The following ULK4 variants were observed in gnomAD, a reference collection of about 807,000 sequenced individuals.
ULK4 encodes the protein unc-51 like kinase 4.
In ULK4, 133 loss-of-function variants were observed where a neutral mutation model predicts 160.6. That is an observed-to-expected ratio of 0.83 (90% CI 0.72 to 0.96). The LOEUF (loss-of-function observed/expected upper bound fraction) is 0.96, where lower values mean the gene tolerates loss of function less well. Ranked by LOEUF, ULK4 falls within the 40% of genes least tolerant of loss-of-function variation. The pLI, the probability that ULK4 is intolerant of heterozygous loss-of-function variation, is 0.00. For synonymous variants in ULK4, 534 were observed against 539.8 expected, an observed-to-expected ratio of 0.99 and a Z score of 0.15; for missense variants, 1,580 against 1,499.5, an observed-to-expected ratio of 1.05 and a Z score of -0.89.
At chr3:41,699,519 G>A (rs2036602197) in intron 27 of ULK4, among the ~76,000 whole-genome samples, 2 of 151,686 alleles carry the variant, frequency 1.3e-5, no homozygotes, top group Non-Finnish European at 2.9e-5. Flanking sequence ...GAACAAATTC[G>A]CTGTACAAAA....
intron 32 of ULK4, among the ~76,000 whole-genome samples, chr3:41,495,366 G>T (rs1245591830): frequency 6.6e-6 from 1 of 151,996 alleles, no homozygotes; most frequent in South Asian, 2.1e-4. Context: ...GGGAAAACTG[G>T]CTAGCCATAT....
rs199794363 is a variant in ULK4, at chr3:41,856,537, GTATATATATA to G, written c.1657-20576_1657-20567del. On this transcript the variant is annotated intron_variant, in intron 17 of 36. Transcript: ENST00000301831. The stretch of plus-strand genomic sequence containing the variant: ...AATATATATATATATATATATGTAT[GTATATATATA>G]TGTGTATATATATACACATATATAT... Among the ~76,000 whole-genome samples the G allele has an allele frequency of 5.2e-4, 46 of 87,844 alleles. 1 individual carries two copies. Among genetic ancestry groups the G allele is most frequent in the African/African-American group, 1.5e-3 (42 of 27,878 alleles). 57.6% of individuals were successfully genotyped at this position (87,844 alleles called of 152,430 possible). A position where few individuals can be genotyped will look rare whatever the true frequency, so the allele number is the denominator to read the frequency against.
chr3:41,521,808 G>C (rs1194242382), intron 32 of ULK4, among the ~76,000 whole-genome samples: 1 of 152,086 alleles, frequency 6.6e-6, no homozygotes, highest in Non-Finnish European at 1.5e-5. Context: ...AATATCCCTG[G>C]GGAGATTAAG....
At position 41,898,441 on chromosome 3, in the gene ULK4, TTGG is replaced by T; in HGVS notation, c.1336_1338del (p.Pro446del). On this transcript the variant is annotated inframe_deletion, in exon 14 of 37. Coordinates refer to ENST00000301831, the MANE Select transcript of ULK4 (RefSeq NM_017886.4). The stretch of plus-strand genomic sequence containing the variant: ...TCCTTTATGATCCTACCTGAATATG[TTGG>T]TAGATGCAATATTTTTGCATCAAAT... The T allele has an allele frequency of 6.3e-7, 1 of 1,593,386 alleles. No individual in the cohort carries two copies. Among genetic ancestry groups the T allele is most frequent in the Non-Finnish European group, 8.6e-7 (1 of 1,168,218 alleles).
chr3:41,810,355 A>G (rs1406134827), intron 19 of ULK4, among the ~76,000 whole-genome samples: 1 of 152,228 alleles, frequency 6.6e-6, no homozygotes, highest in African/African-American at 2.4e-5. Flanking sequence ...AGACAGTCCC[A>G]AGTCTCATTT....
intron 32 of ULK4, among the ~76,000 whole-genome samples, chr3:41,540,156 C>A (rs1202170474): frequency 2.0e-5 from 3 of 152,038 alleles, no homozygotes; most frequent in Non-Finnish European, 4.4e-5. Context: ...GTTCACTGCA[C>A]CCATCAACCC....
intron 17 of ULK4, among the ~76,000 whole-genome samples, chr3:41,856,040 T>C (rs1479463250): frequency 1.3e-5 from 2 of 152,150 alleles, no homozygotes; most frequent in Admixed American, 6.5e-5. Flanking sequence ...TTAGAAAGCA[T>C]GTCTTTAAAG....
intron 17 of ULK4, among the ~76,000 whole-genome samples, chr3:41,868,262 G>A (rs1266321011): frequency 2.0e-5 from 3 of 151,976 alleles, no homozygotes; most frequent in Non-Finnish European, 2.9e-5. Context: ...ATATTTTAAA[G>A]TAGTCTCATT....
At chr3:41,250,228 C>G (rs538127382) in intron 35 of ULK4, among the ~76,000 whole-genome samples, 17 of 152,282 alleles carry the variant, frequency 1.1e-4, no homozygotes, top group African/African-American at 3.6e-4. Context: ...CCTCACAATT[C>G]AGACCCTCCA....
intron 27 of ULK4, among the ~76,000 whole-genome samples, chr3:41,698,823 C>A (rs971704844): frequency 6.6e-6 from 1 of 152,096 alleles, no homozygotes; most frequent in Non-Finnish European, 1.5e-5. Flanking sequence ...CAGTCACCAC[C>A]CAAAGGTAAC....
At chr3:41,555,651 C>T (rs956769762) in intron 32 of ULK4, among the ~76,000 whole-genome samples, 7 of 152,150 alleles carry the variant, frequency 4.6e-5, no homozygotes, top group African/African-American at 1.7e-4. Context: ...CCATTTGACC[C>T]AGCAATCCCA....
At chr3:41,930,113 C>T (rs1183763689) in intron 5 of ULK4, among the ~76,000 whole-genome samples, 1 of 152,134 alleles carries the variant, frequency 6.6e-6, no homozygotes, top group African/African-American at 2.4e-5. Flanking sequence ...GTAACCAAAA[C>T]AGTATGGTAC....
intron 35 of ULK4, among the ~76,000 whole-genome samples, chr3:41,286,728 C>A (rs867544946): frequency 6.6e-6 from 1 of 152,182 alleles, no homozygotes; most frequent in South Asian, 2.1e-4. Flanking sequence ...CTGCCGAAAC[C>A]ACAGGGTACC....
intron 2 of ULK4, among the ~76,000 whole-genome samples, chr3:41,943,212 CAAAA>C (rs71288051): frequency 2.1e-5 from 2 of 95,556 alleles, no homozygotes; most frequent in Admixed American, 1.1e-4. Flanking sequence ...GACTCCATCT[CAAAA>C]AAAAAAAAAA....
At chr3:41,882,098 C>A in intron 17 of ULK4, 1 of 669,768 alleles carries the variant, frequency 1.5e-6, no homozygotes. Flanking sequence ...CTTGACAATT[C>A]CTGCAGCAGC....
chr3:41,811,708 T>G (rs562139452), intron 19 of ULK4, among the ~76,000 whole-genome samples: 1 of 152,250 alleles, frequency 6.6e-6, no homozygotes, highest in South Asian at 2.1e-4. Context: ...TAGAACACAT[T>G]GGGTTAAACA....
rs182625584 is a variant in ULK4, at chr3:41,747,447, A to C, written c.2321+6914T>G. ...TGGCCTAAATGCAAAGCTGTGCCAGAGACTTGGAACCTATTTATACAAGAG... is the reference window on the plus strand; with the variant it reads ...TGGCCTAAATGCAAAGCTGTGCCAGCGACTTGGAACCTATTTATACAAGAG... On this transcript the variant is annotated intron_variant, in intron 22 of 36. Transcript: ENST00000301831. 1.7e-4 allele frequency among the ~76,000 whole-genome samples: 26 copies of C among 151,998 alleles called. No individual in the cohort carries two copies. The East Asian group carries it at 4.8e-3, about 28-fold the overall frequency.
At chr3:41,467,330 C>G (rs2083860220) in intron 32 of ULK4, among the ~76,000 whole-genome samples, 1 of 152,142 alleles carries the variant, frequency 6.6e-6, no homozygotes, top group African/African-American at 2.4e-5. Context: ...AATTCGAGAC[C>G]AGCCTGACCA....
intron 35 of ULK4, among the ~76,000 whole-genome samples, chr3:41,296,221 T>C (rs757530027): frequency 6.6e-6 from 1 of 152,176 alleles, no homozygotes; most frequent in East Asian, 1.9e-4. Flanking sequence ...AGAAAGTATA[T>C]GGGAAATCTC....
Sources: gnomAD v4.1 joint callset for allele counts (sites outside exome capture counted in the v4.1 genomes callset) on GRCh38, gnomAD v4.1.1 for gene constraint, MANE v1.5 for transcripts, NCBI Gene and HGNC (gene_info 2026-07-23, HGNC 2026-07-21) for gene names.